WDR44: variants seen among roughly 807,000 people sequenced by gnomAD.
WDR44 encodes WD repeat domain 44.
A neutral mutation model predicts 65.7 loss-of-function variants in WDR44; 9 were observed. The observed-to-expected ratio is 0.14, with a 90% confidence interval of 0.08 to 0.24. The LOEUF (loss-of-function observed/expected upper bound fraction) is 0.24. Ranked by LOEUF, WDR44 falls within the 10% of genes least tolerant of loss-of-function variation. WDR44 has a pLI of 1.00. For missense variants in WDR44, 425 were observed against 670.9 expected (o/e 0.63, Z 4.05); for synonymous variants, 220 against 235.2 (o/e 0.94, Z 0.59).
chrX:118,361,871 A>G (rs2056514980), intron 1 of WDR44, among the ~76,000 whole-genome samples: 1 of 112,531 alleles, frequency 8.9e-6, no homozygotes, highest in African/African-American at 3.2e-5. Flanking sequence ...AGGTGTTCCT[A>G]TAATTGCCTG....
chrX:118,382,285 G>A (rs2056725892), intron 2 of WDR44, among the ~76,000 whole-genome samples: 1 of 111,880 alleles, frequency 8.9e-6, no homozygotes, highest in East Asian at 2.8e-4. Context: ...ACTGGTGGAA[G>A]GGTGGAAGAA....
In WDR44 at chrX:118,446,851, CT is replaced by C. The variant is rs1247661476; in HGVS notation, c.2648-2031del. 5.1e-3 allele frequency among the ~76,000 whole-genome samples: 525 copies of C among 103,599 alleles called. 1 individual carries two copies. The highest frequency in any genetic ancestry group is 0.016 in the African/African-American group (453 of 28,699). The allele number at this position is 103,599 out of a possible 115,157, so 90.0% of individuals were successfully genotyped here. On this transcript the variant is annotated intron_variant, in intron 19 of 19. Transcript: ENST00000254029. ...CTAACTTAAGTCATTTACGTTTTTT[CT>C]TTTTTTTTTTAACTTATGAATGAAT...
At chrX:118,402,026 T>A (rs747505689) in intron 8 of WDR44, among the ~76,000 whole-genome samples, 1 of 110,483 alleles carries the variant, frequency 9.1e-6, no homozygotes, top group South Asian at 3.8e-4. Context: ...TTTTGGTTTT[T>A]TTTTAGAAAA....
intron 8 of WDR44, among the ~76,000 whole-genome samples, chrX:118,400,423 TA>T (rs2056901552): frequency 8.9e-6 from 1 of 111,835 alleles, no homozygotes; most frequent in South Asian, 3.7e-4. Flanking sequence ...TAAGAAGGCA[TA>T]AAAGTAGATA....
At chrX:118,404,471 A>G in intron 9 of WDR44, 27 bp downstream of exon 9, 1 of 1,055,364 alleles carries the variant, frequency 9.5e-7, no homozygotes, top group South Asian at 2.1e-5. Flanking sequence ...CATTTCAACT[A>G]AACATTCAAT....
chrX:118,424,396 T>C (rs750995854), intron 12 of WDR44, among the ~76,000 whole-genome samples: 1 of 101,185 alleles, frequency 9.9e-6, no homozygotes, highest in Non-Finnish European at 2.0e-5. Context: ...TGATATATCA[T>C]TGTGGTTTTG....
At chrX:118,377,671 A>G (rs1191112936) in intron 1 of WDR44, among the ~76,000 whole-genome samples, 1 of 109,427 alleles carries the variant, frequency 9.1e-6, no homozygotes, top group Admixed American at 9.8e-5. Flanking sequence ...AAAGATACTC[A>G]GATCTCTAGG....
intron 19 of WDR44, among the ~76,000 whole-genome samples, chrX:118,447,903 TATA>T (rs775046130): frequency 7.4e-5 from 5 of 67,246 alleles, no homozygotes; most frequent in Admixed American, 2.1e-4. Flanking sequence ...TATATATATA[TATA>T]TATATATACT....
chrX:118,397,228 A>C lies in WDR44; in HGVS notation c.1190+122A>C, dbSNP rs920384954. 1.8e-5 allele frequency: 10 copies of C among 559,139 alleles called. No homozygotes were observed. In the African/African-American group the frequency reaches 2.5e-4, roughly 14 times the overall value. 46.1% of individuals were successfully genotyped at this position (559,139 alleles called of 1,213,427 possible). ...CAGTCTTTTTTCTTCTGGAATTAAA[A>C]TAGAGTTAGATAATGTATGTATTCT... On this transcript the variant is annotated intron_variant, in intron 7 of 19. Transcript: ENST00000254029.
At chrX:118,409,700 T>C (rs1013686682) in intron 11 of WDR44, 73 bp downstream of exon 11, 171 of 1,018,579 alleles carry the variant, frequency 1.7e-4, no homozygotes, top group Middle Eastern at 3.8e-4. Context: ...TGCCCTACTT[T>C]TCTGGCAGTC....
chrX:118,443,715 TTA>T, intron 18 of WDR44, 28 bp downstream of exon 18: 1 of 1,174,269 alleles, frequency 8.5e-7, no homozygotes. Context: ...TTTGTGTGTC[TTA>T]TAAGAGAATC....
chrX:118,377,714 C>CTT (rs2056673625), intron 1 of WDR44, among the ~76,000 whole-genome samples: 3 of 86,506 alleles, frequency 3.5e-5, no homozygotes, highest in Admixed American at 1.5e-4. Context: ...CTTTAATTTT[C>CTT]TTCTCTCTCT....
intron 1 of WDR44, among the ~76,000 whole-genome samples, chrX:118,365,462 G>T (rs1018474401): frequency 9.2e-6 from 1 of 109,202 alleles, no homozygotes. Flanking sequence ...AACCATGATC[G>T]TGCCACTGCA....
intron 10 of WDR44, among the ~76,000 whole-genome samples, chrX:118,407,259 G>A: frequency 8.9e-6 from 1 of 111,877 alleles, no homozygotes; most frequent in East Asian, 2.8e-4. Context: ...CCAGCACTTT[G>A]GGAGGCCAAG....
chrX:118,410,827 A>G (rs2089267902), intron 11 of WDR44, 68 bp from the exon 12 acceptor site: 6 of 848,874 alleles, frequency 7.1e-6, no homozygotes, highest in South Asian at 6.9e-5. Context: ...TTACTTCTGG[A>G]TGTTATATTT....
intron 2 of WDR44, among the ~76,000 whole-genome samples, chrX:118,379,833 C>T (rs1056864848): frequency 8.1e-5 from 9 of 111,415 alleles, no homozygotes; most frequent in Admixed American, 1.9e-4. Flanking sequence ...AAAGTAATAA[C>T]GTGTAGGGTT....
chrX:118,409,336 G>T (rs1301670313), intron 10 of WDR44, among the ~76,000 whole-genome samples, 153 bp from the exon 11 acceptor site: 3 of 110,140 alleles, frequency 2.7e-5, no homozygotes, highest in African/African-American at 9.9e-5. Flanking sequence ...TACCATGTTG[G>T]CCAGGCTGGT....
chrX:118,383,720 CTTTTT>C (rs531607075), intron 2 of WDR44, among the ~76,000 whole-genome samples: 2 of 84,470 alleles, frequency 2.4e-5, no homozygotes, highest in African/African-American at 4.5e-5. Flanking sequence ...TCCAAGTATT[CTTTTT>C]TTTTTTTTTT....
chrX:118,406,802 C>T (rs961890599), intron 9 of WDR44, 73 bp from the exon 10 acceptor site: 2 of 1,005,110 alleles, frequency 2.0e-6, no homozygotes, highest in African/African-American at 1.9e-5. Flanking sequence ...TCTTGGTATG[C>T]AGGAAATATG....
Sources: gnomAD v4.1 joint callset for allele counts (sites outside exome capture counted in the v4.1 genomes callset) on GRCh38, gnomAD v4.1.1 for gene constraint, MANE v1.5 for transcripts, NCBI Gene and HGNC (gene_info 2026-07-23, HGNC 2026-07-21) for gene names.